ACTR3C: variants seen among roughly 807,000 people sequenced by gnomAD.
ACTR3C encodes the protein actin-related protein 3C.
In ACTR3C, 18 loss-of-function variants were observed where a neutral mutation model predicts 26.3. The observed-to-expected ratio is 0.68, with a 90% CI of 0.47 to 1.01. The LOEUF (loss-of-function observed/expected upper bound fraction) is 1.01, where lower values mean the gene tolerates loss of function less well. ACTR3C is among the 50% of genes least tolerant of loss of function. ACTR3C has a pLI of 0.00. For synonymous variants in ACTR3C, 55 were observed against 94.5 expected (o/e 0.58, Z 2.42); for missense variants, 184 against 250.7 (o/e 0.73, Z 1.80).
At chr7:149,959,562 T>C in the ACTR3C span, among the ~76,000 whole-genome samples, 14 of 152,168 alleles carry the variant, frequency 9.2e-5, no homozygotes, top group African/African-American at 3.1e-4. Context: ...AACAGATGGA[T>C]TTTGACTGGG....
chr7:150,246,928 G>C (rs1832494521), downstream of ACTR3C: 1 of 152,170 alleles, frequency 6.6e-6, no homozygotes, highest in South Asian at 2.1e-4. Context: ...GAGTAGCTGG[G>C]GTTACAGGTA....
the ACTR3C span, among the ~76,000 whole-genome samples, chr7:150,041,730 C>T: frequency 1.9e-4 from 25 of 129,668 alleles, no homozygotes; most frequent in East Asian, 2.2e-3. Flanking sequence ...CCCCCTCCTG[C>T]GATGGGGGTC....
the ACTR3C span, among the ~76,000 whole-genome samples, chr7:149,897,331 G>A: frequency 1.3e-4 from 20 of 152,322 alleles, no homozygotes; most frequent in African/African-American, 4.1e-4. Flanking sequence ...GTTTGTGAGC[G>A]AAAGCATTTA....
In ACTR3C at chr7:150,255,594, A is replaced by T. The variant is rs1833163902; in HGVS notation, c.565-6540T>A. Among the ~76,000 whole-genome samples the T allele has an allele frequency of 2.6e-5, 4 of 152,218 alleles. No individual in the cohort carries two copies. In the South Asian group the frequency reaches 8.3e-4, roughly 32 times the overall value. ...CCCAGGGAGCCCAGTGCCCTTTAAAAAATGAACAGTGAAGAGATGGCTCTA... is the reference window on the plus strand; with the variant it reads ...CCCAGGGAGCCCAGTGCCCTTTAAATAATGAACAGTGAAGAGATGGCTCTA... On this transcript the variant is annotated intron_variant, in intron 6 of 7. Coordinates refer to ENST00000683684, the MANE Select transcript of ACTR3C (RefSeq NM_001164458.2).
At chr7:150,060,643 T>C in the ACTR3C span, among the ~76,000 whole-genome samples, 1 of 152,368 alleles carries the variant, frequency 6.6e-6, no homozygotes, top group African/African-American at 2.4e-5. Flanking sequence ...AAAGCGCTGC[T>C]GTTGAGCACA....
At chr7:149,984,377 T>A in the ACTR3C span, among the ~76,000 whole-genome samples, 2 of 152,138 alleles carry the variant, frequency 1.3e-5, no homozygotes, top group African/African-American at 4.8e-5. Flanking sequence ...CTAATATTTG[T>A]ATTTTTAGTA....
At chr7:150,106,755 AG>A in the ACTR3C span, among the ~76,000 whole-genome samples, 1 of 139,958 alleles carries the variant, frequency 7.1e-6, no homozygotes, top group East Asian at 2.0e-4. Flanking sequence ...CTTAACCAAC[AG>A]CTTCTAGAAT....
chr7:150,212,270 CT>C, the ACTR3C span, among the ~76,000 whole-genome samples: 2 of 147,874 alleles, frequency 1.4e-5, no homozygotes, highest in Non-Finnish European at 2.9e-5. Flanking sequence ...TGAGGTATAG[CT>C]TTTGACTTAA....
the ACTR3C span, among the ~76,000 whole-genome samples, chr7:150,086,681 C>T: frequency 1.3e-5 from 2 of 152,294 alleles, no homozygotes; most frequent in Admixed American, 6.5e-5. Context: ...GAGTTGAGGG[C>T]ACCTCAAGGG....
At chr7:150,190,493 T>C in the ACTR3C span, among the ~76,000 whole-genome samples, 2 of 152,238 alleles carry the variant, frequency 1.3e-5, no homozygotes, top group Admixed American at 1.3e-4. Context: ...GAAATTTTCA[T>C]AGATTAAATT....
At chr7:150,103,144 G>A in the ACTR3C span, among the ~76,000 whole-genome samples, 81 of 152,000 alleles carry the variant, frequency 5.3e-4, no homozygotes, top group Non-Finnish European at 1.0e-3. Context: ...TTATAGGGAA[G>A]CAAGCTGGAA....
chr7:150,102,725 T>C, the ACTR3C span, among the ~76,000 whole-genome samples: 1 of 151,552 alleles, frequency 6.6e-6, no homozygotes, highest in Non-Finnish European at 1.5e-5. Context: ...AGGGCCACCT[T>C]CCATGATCTC....
At chr7:150,277,595 T>C (rs2429313) in intron 6 of ACTR3C, among the ~76,000 whole-genome samples, 4 of 152,114 alleles carry the variant, frequency 2.6e-5, no homozygotes, top group African/African-American at 4.8e-5. Context: ...CCAAACTAGA[T>C]CTAGTCTTCC....
chr7:149,892,029 G>A, the ACTR3C span, among the ~76,000 whole-genome samples: 5 of 135,594 alleles, frequency 3.7e-5, no homozygotes, highest in African/African-American at 1.0e-4. Context: ...TTGCTTTCAT[G>A]TGTGACCTGG....
the ACTR3C span, among the ~76,000 whole-genome samples, chr7:150,066,276 G>A: frequency 6.6e-6 from 1 of 152,152 alleles, no homozygotes; most frequent in East Asian, 1.9e-4. Flanking sequence ...TAAAGGCATG[G>A]GAAGGATCCA....
At chr7:150,221,171 TGGC>T in the ACTR3C span, among the ~76,000 whole-genome samples, 3 of 152,262 alleles carry the variant, frequency 2.0e-5, no homozygotes, top group African/African-American at 7.2e-5. Context: ...TGCCATTGGT[TGGC>T]GGCCCAATTG....
the ACTR3C span, among the ~76,000 whole-genome samples, chr7:150,100,063 G>A: frequency 6.6e-6 from 1 of 151,582 alleles, no homozygotes; most frequent in Admixed American, 6.6e-5. Context: ...ACTTCTCTAG[G>A]TCAGGAAACT....
intron 6 of ACTR3C, among the ~76,000 whole-genome samples, chr7:150,250,257 G>A (rs1452426782): frequency 1.4e-5 from 2 of 144,882 alleles, no homozygotes; most frequent in Non-Finnish European, 3.0e-5. Flanking sequence ...AGGCTGGAGT[G>A]CAGTGGCGCG....
the ACTR3C span, among the ~76,000 whole-genome samples, chr7:150,230,650 T>C: frequency 6.6e-6 from 1 of 152,114 alleles, no homozygotes; most frequent in Non-Finnish European, 1.5e-5. Context: ...AAGAGTTTCA[T>C]CCCAAAACCT....
Sources: allele counts gnomAD v4.1 joint callset (sites outside exome capture counted in the v4.1 genomes callset), GRCh38; gene constraint gnomAD v4.1.1; transcripts MANE v1.5; gene names NCBI Gene and HGNC (gene_info 2026-07-23, HGNC 2026-07-21).